Variants in SKAP2 observed in about 807,000 individuals in gnomAD.
The protein encoded by SKAP2 is src kinase associated phosphoprotein 2, also known as src kinase-associated phosphoprotein 2.
SKAP2 carries 28 observed loss-of-function variants against 54.9 expected under a neutral mutation model. The ratio of observed to expected loss-of-function variants is 0.51; its 90% CI spans 0.38 to 0.70. The LOEUF (loss-of-function observed/expected upper bound fraction) is 0.70. SKAP2 is among the 30% of genes least tolerant of loss of function. The pLI is 0.00. For missense variants in SKAP2, 356 were observed against 424.1 expected, an observed-to-expected ratio of 0.84 and a Z score of 1.41; for synonymous variants, 137 against 134.3, an observed-to-expected ratio of 1.02 and a Z score of -0.14.
At chr7:26,758,447 A>G (rs969321232) in intron 4 of SKAP2, among the ~76,000 whole-genome samples, 1 of 152,156 alleles carries the variant, frequency 6.6e-6, no homozygotes, top group African/African-American at 2.4e-5. Flanking sequence ...AATATTCCCA[A>G]TATATATGAA....
intron 4 of SKAP2, among the ~76,000 whole-genome samples, chr7:26,747,854 CCTTT>C (rs1469737135): frequency 6.7e-6 from 1 of 148,712 alleles, no homozygotes; most frequent in Non-Finnish European, 1.5e-5. Flanking sequence ...TTTCTTCCTT[CCTTT>C]CTTTCTTGCT....
chr7:26,674,565 T>C (rs1422968278), intron 11 of SKAP2, among the ~76,000 whole-genome samples: 1 of 152,200 alleles, frequency 6.6e-6, no homozygotes, highest in Non-Finnish European at 1.5e-5. Flanking sequence ...CTTAGATTCC[T>C]AACCTGTTAA....
At chr7:26,709,652 T>C (rs1255262133) in intron 9 of SKAP2, among the ~76,000 whole-genome samples, 1 of 152,216 alleles carries the variant, frequency 6.6e-6, no homozygotes, top group Admixed American at 6.5e-5. Flanking sequence ...ATTTGCTTAC[T>C]AGTCACATTA....
At chr7:26,678,500 G>C (rs1223150715) in intron 11 of SKAP2, among the ~76,000 whole-genome samples, 3 of 150,630 alleles carry the variant, frequency 2.0e-5, no homozygotes, top group Non-Finnish European at 4.4e-5. Context: ...GAGTGCAGTG[G>C]TACAATCTCA....
intron 9 of SKAP2, among the ~76,000 whole-genome samples, chr7:26,712,715 G>A (rs1013413067): frequency 6.6e-6 from 1 of 152,068 alleles, no homozygotes; most frequent in African/African-American, 2.4e-5. Context: ...AAAGTACCTG[G>A]CATATGCTAA....
chr7:26,849,015 G>A (rs942763227), intron 3 of SKAP2, among the ~76,000 whole-genome samples: 1 of 152,166 alleles, frequency 6.6e-6, no homozygotes, highest in Non-Finnish European at 1.5e-5. Flanking sequence ...ATTTTTACAA[G>A]GCCAATGGTG....
intron 4 of SKAP2, among the ~76,000 whole-genome samples, chr7:26,768,592 G>T (rs1168185738): frequency 6.6e-6 from 1 of 152,154 alleles, no homozygotes; most frequent in Non-Finnish European, 1.5e-5. Flanking sequence ...GCAGTGGCTG[G>T]TACTGGTTTT....
chr7:26,809,612 T>C (rs1009545151), intron 4 of SKAP2, among the ~76,000 whole-genome samples: 8 of 152,268 alleles, frequency 5.3e-5, no homozygotes, highest in South Asian at 2.1e-4. Flanking sequence ...AACCAGTGTT[T>C]GTGAGGATGT....
chr7:26,778,060 A>C (rs532609838), intron 4 of SKAP2, among the ~76,000 whole-genome samples: 2 of 152,118 alleles, frequency 1.3e-5, no homozygotes, highest in Non-Finnish European at 2.9e-5. Flanking sequence ...TGATGACCCT[A>C]AATTGATTCC....
rs115959744 is a variant in SKAP2, at chr7:26,678,851, C to A, written c.987+5885G>T. The stretch of plus-strand genomic sequence containing the variant: ...TTAATCAGTAGTCTATCTCTAGTCT[C>A]TATGCCTAATGATTTCCCTGGAATA... On this transcript the variant is annotated intron_variant, in intron 11 of 12. Transcript: ENST00000345317. Among the ~76,000 whole-genome samples, 480 of 152,228 alleles carry A rather than the reference C, an allele frequency of 3.2e-3. 2 individuals carry two copies. Among genetic ancestry groups the A allele is most frequent in the African/African-American group, 0.011 (452 of 41,516 alleles).
chr7:26,841,746 G>C (rs1272314379), intron 4 of SKAP2, among the ~76,000 whole-genome samples: 2 of 151,988 alleles, frequency 1.3e-5, no homozygotes, highest in Non-Finnish European at 1.5e-5. Flanking sequence ...GACCTTTTCA[G>C]TACCTTGAAA....
At chr7:26,686,296 T>C (rs1468506984) in intron 10 of SKAP2, among the ~76,000 whole-genome samples, 1 of 152,104 alleles carries the variant, frequency 6.6e-6, no homozygotes, top group Non-Finnish European at 1.5e-5. Context: ...AAATTTTGTC[T>C]CTTGTTTTCT....
At chr7:26,756,924 T>C (rs1244505063) in intron 4 of SKAP2, among the ~76,000 whole-genome samples, 1 of 152,234 alleles carries the variant, frequency 6.6e-6, no homozygotes, top group African/African-American at 2.4e-5. Context: ...ATTTCTCTGA[T>C]GGCCAGTGAT....
chr7:26,820,700 G>T (rs1432593716), intron 4 of SKAP2, among the ~76,000 whole-genome samples: 1 of 149,932 alleles, frequency 6.7e-6, no homozygotes, highest in Non-Finnish European at 1.5e-5. Flanking sequence ...GCAAAAAGTT[G>T]AATATTAAAT....
chr7:26,852,456 A>G (rs1306220839), intron 3 of SKAP2, among the ~76,000 whole-genome samples: 1 of 152,184 alleles, frequency 6.6e-6, no homozygotes, highest in Non-Finnish European at 1.5e-5. Context: ...TTACTTCTGA[A>G]CAGGCACTCT....
chr7:26,864,295 G>A, intron 1 of SKAP2, 68 bp downstream of exon 1: 1 of 1,595,014 alleles, frequency 6.3e-7, no homozygotes, highest in Non-Finnish European at 8.6e-7. Flanking sequence ...GAATGCTTCT[G>A]TCCCCACCGG....
intron 4 of SKAP2, among the ~76,000 whole-genome samples, chr7:26,792,265 C>A (rs925644496): frequency 6.6e-6 from 1 of 152,178 alleles, no homozygotes; most frequent in African/African-American, 2.4e-5. Flanking sequence ...CTTATCATGA[C>A]TGTGCAAGTG....
At chr7:26,854,913 CAG>C in intron 1 of SKAP2, 23 bp from the exon 2 acceptor site, 1 of 1,480,444 alleles carries the variant, frequency 6.8e-7, no homozygotes, top group Non-Finnish European at 9.3e-7. Flanking sequence ...ATATAAGAAA[CAG>C]GATACAAATT....
chr7:26,768,281 C>CT lies in SKAP2; in HGVS notation c.308-28318dup, dbSNP rs150416174. Among the ~76,000 whole-genome samples, 725 of 140,124 alleles carry CT rather than the reference C, an allele frequency of 5.2e-3. 9 individuals carry two copies. Among genetic ancestry groups the CT allele is most frequent in the African/African-American group, 0.014 (528 of 37,722 alleles). 91.9% of individuals were successfully genotyped at this position (140,124 alleles called of 152,430 possible). ...TCAGAGACTAAGATTGCAACCCCTG[C>CT]TTTTTTTTTTTTTTGCTTTCCATTT... On this transcript the variant is annotated intron_variant, in intron 4 of 12. Transcript: ENST00000345317.
Sources: allele counts gnomAD v4.1 joint callset (sites outside exome capture counted in the v4.1 genomes callset), GRCh38; gene constraint gnomAD v4.1.1; transcripts MANE v1.5; gene names NCBI Gene and HGNC (gene_info 2026-07-23, HGNC 2026-07-21).